Variants in ZNF718 observed in about 807,000 individuals in gnomAD.
The protein encoded by ZNF718 is zinc finger protein 718.
ZNF718 carries 3 observed loss-of-function variants against 2.6 expected under a neutral mutation model. The observed-to-expected ratio is 1.16, with a 90% CI of 0.53 to 3.01. ZNF718 has a LOEUF of 3.01. Among genes scored for constraint, ZNF718 ranks in the 30% most tolerant of loss-of-function variants. The probability of loss-of-function intolerance (pLI) is 0.03; values close to 1 mark genes in which losing one functional copy is unlikely to be tolerated. For synonymous variants in ZNF718, 135 were observed against 77.9 expected (o/e 1.73, Z -3.86); for missense variants, 468 against 230.0 (o/e 2.03, Z -6.69).
chr4:148,524 G>T (rs1716166833), intron 3 of ZNF718, among the ~76,000 whole-genome samples: 2 of 149,796 alleles, frequency 1.3e-5, no homozygotes, highest in South Asian at 4.2e-4. Context: ...CAGCAGAATT[G>T]CTTGAACCTG....
intron 3 of ZNF718, among the ~76,000 whole-genome samples, chr4:177,465 A>G (rs1271719903): frequency 6.6e-6 from 1 of 152,146 alleles, no homozygotes; most frequent in Non-Finnish European, 1.5e-5. Flanking sequence ...ACTTAGGTCT[A>G]GTTCTCCTGG....
Position 124,647 on chromosome 4 carries a change from C to T in ZNF718, c.-24C>T. 1 of 1,607,878 alleles carries T rather than the reference C, an allele frequency of 6.2e-7. No individual in the cohort carries two copies. The highest frequency in any genetic ancestry group is 2.2e-5 in the East Asian group (1 of 44,832). ...TATTGGATGATTCGTATCTAAGACT[C>T]TGGGACACTCCTGAAGTCGGGAAAT... On this transcript the variant is annotated 5_prime_UTR_variant, in exon 1 of 4. Transcript: ENST00000510175.
At chr4:171,192 A>G (rs987817325) in intron 3 of ZNF718, among the ~76,000 whole-genome samples, 1 of 151,970 alleles carries the variant, frequency 6.6e-6, no homozygotes, top group Non-Finnish European at 1.5e-5. Flanking sequence ...TTGCTGCCTG[A>G]TCGTTCCTCT....
chr4:200,810 G>A (rs1553822675), intron 3 of ZNF718, among the ~76,000 whole-genome samples: 1 of 152,156 alleles, frequency 6.6e-6, no homozygotes, highest in East Asian at 1.9e-4. Context: ...ATTAACAACA[G>A]TGATTATTTA....
At chr4:167,235 G>A (rs1717110021), downstream of ZNF718, among the ~76,000 whole-genome samples, 1 of 152,182 alleles carries the variant, frequency 6.6e-6, no homozygotes, top group African/African-American at 2.4e-5. Context: ...CCAGTACCAT[G>A]CTGTTTTGGT....
intron 3 of ZNF718, among the ~76,000 whole-genome samples, chr4:169,340 G>A (rs6833497): frequency 0.013 from 1,949 of 152,264 alleles, 45 homozygotes; most frequent in African/African-American, 0.045. Context: ...GATTTGGGGT[G>A]GAGAGTTCTG....
At chr4:165,914 A>G (rs150159499), downstream of ZNF718, among the ~76,000 whole-genome samples, 493 of 152,204 alleles carry the variant, frequency 3.2e-3, 6 homozygotes, top group African/African-American at 0.011. Context: ...TTAGTTACAT[A>G]TGTATACATG....
intron 3 of ZNF718, among the ~76,000 whole-genome samples, chr4:183,568 T>C (rs1355705010): frequency 6.6e-6 from 1 of 152,230 alleles, no homozygotes; most frequent in Non-Finnish European, 1.5e-5. Context: ...GGGAATAGCA[T>C]TGAATTGAAT....
chr4:197,516 A>G (rs1203050628), intron 3 of ZNF718, among the ~76,000 whole-genome samples: 8 of 152,072 alleles, frequency 5.3e-5, no homozygotes, highest in African/African-American at 1.9e-4. Context: ...GACCTGACCC[A>G]CTCCAGAAAG....
downstream of ZNF718, among the ~76,000 whole-genome samples, chr4:168,453 A>G (rs1192695006): frequency 1.3e-5 from 2 of 152,182 alleles, no homozygotes; most frequent in Admixed American, 1.3e-4. Context: ...TACCTCTGGT[A>G]GAGTTCGGCT....
intron 3 of ZNF718, among the ~76,000 whole-genome samples, chr4:181,833 C>G (rs899382341): frequency 1.3e-5 from 2 of 152,114 alleles, no homozygotes; most frequent in Non-Finnish European, 2.9e-5. Context: ...CTTCCATACT[C>G]AGGCCCCAGT....
At position 163,656 on chromosome 4, in the gene ZNF718, A is replaced by G. The variant is rs1347358084; in HGVS notation, c.*1534A>G. On this transcript the variant is annotated 3_prime_UTR_variant, in exon 4 of 4. Transcript: ENST00000510175. ...AATTGCTTTTACCAGTTGCACATTT[A>G]TGTAATAAAATACAGTAAATTTTAA... 1 of 152,188 alleles carries G rather than the reference A, an allele frequency of 6.6e-6. No individual in the cohort carries two copies. The highest frequency in any genetic ancestry group is 1.5e-5 in the Non-Finnish European group (1 of 68,034). The allele number at this position is 152,188 out of a possible 1,614,324, so 9.4% of individuals were successfully genotyped here.
intron 3 of ZNF718, chr4:141,930 A>G (rs1340051383): frequency 4.4e-6 from 2 of 455,692 alleles, no homozygotes; most frequent in East Asian, 6.0e-5. Flanking sequence ...TTTCTGTTGT[A>G]TAAAAGCTTT....
intron 3 of ZNF718, among the ~76,000 whole-genome samples, chr4:198,947 A>G (rs1717844839): frequency 6.6e-6 from 1 of 152,250 alleles, no homozygotes; most frequent in South Asian, 2.1e-4. Context: ...TTTACAGAGG[A>G]CATTGAGCAC....
rs1341172535 is a variant in ZNF718 at position 196,039 on chromosome 4, C to T, written c.227-5042C>T. ...CTCTCCCCTCTCTCTCTCCCTCTCT[C>T]TCCCTCTCTTTTTCCTCTCTCTCTC... On this transcript the variant is annotated intron_variant and NMD_transcript_variant, in intron 3 of 4. Coordinates refer to the ZNF718 transcript ENST00000642529. Among the ~76,000 whole-genome samples, 3 of 152,052 alleles carry T rather than the reference C, an allele frequency of 2.0e-5. No homozygotes were observed. In the East Asian group the frequency reaches 5.8e-4, roughly 29 times the overall value.
At chr4:182,103 A>C (rs1370321257) in intron 3 of ZNF718, among the ~76,000 whole-genome samples, 1 of 152,056 alleles carries the variant, frequency 6.6e-6, no homozygotes, top group Admixed American at 6.6e-5. Flanking sequence ...CTTTGCTATT[A>C]TGAGTGGTGC....
chr4:161,042 T>A lies in ZNF718; in HGVS notation c.357T>A (p.Asn119Lys), dbSNP rs782219782. Residue 119 changes from asparagine to lysine, a missense_variant, in exon 4 of 4, where the codon AAT (asparagine) becomes AAA (lysine). Asn to Lys is a moderately conservative substitution (Grantham distance 94). Coordinates refer to ENST00000510175, the MANE Select transcript of ZNF718 (RefSeq NM_001039127.6). ...TAAGAAAAACTTGTAAAAGTATAAATGAGTGTAAGGTGCAGAAAGGTGGTT... is the reference window on the plus strand; with the variant it reads ...TAAGAAAAACTTGTAAAAGTATAAAAGAGTGTAAGGTGCAGAAAGGTGGTT... ...ENLRKTCKSI[N>K]ECKVQKGGYN... 1.2e-5 allele frequency: 9 copies of A among 780,440 alleles called. No homozygotes were observed. The highest frequency in any genetic ancestry group is 2.2e-5 in the Non-Finnish European group (9 of 417,824). The allele number at this position is 780,440 out of a possible 1,614,324, so 48.3% of individuals were successfully genotyped here.
At chr4:197,747 G>A (rs371185563) in intron 3 of ZNF718, among the ~76,000 whole-genome samples, 1 of 152,232 alleles carries the variant, frequency 6.6e-6, no homozygotes, top group African/African-American at 2.4e-5. Context: ...CAGGTGGAAA[G>A]CACTCACTGA....
At chr4:140,811 C>A (rs1299022202) in intron 3 of ZNF718, among the ~76,000 whole-genome samples, 1 of 152,096 alleles carries the variant, frequency 6.6e-6, no homozygotes, top group Non-Finnish European at 1.5e-5. Flanking sequence ...TAAAAGAGCA[C>A]TCATAAGTAA....
Sources: gnomAD v4.1 joint callset for allele counts (sites outside exome capture counted in the v4.1 genomes callset) on GRCh38, gnomAD v4.1.1 for gene constraint, MANE v1.5 for transcripts, NCBI Gene and HGNC (gene_info 2026-07-23, HGNC 2026-07-21) for gene names.